Variants in SMPD2 observed in about 807,000 individuals in gnomAD.
The protein encoded by SMPD2 is sphingomyelin phosphodiesterase 2, also known as N-SMase.
Under a neutral mutation model 41.7 loss-of-function variants are expected in SMPD2, and 35 were observed. The observed-to-expected ratio is 0.84, with a 90% CI of 0.64 to 1.11. SMPD2 has a LOEUF of 1.11. SMPD2 is among the 50% of genes most tolerant of loss of function. The probability of loss-of-function intolerance (pLI) is 0.00; values close to 1 mark genes in which losing one functional copy is unlikely to be tolerated. For synonymous variants in SMPD2, 201 were observed against 208.2 expected (o/e 0.97, Z 0.30); for missense variants, 520 against 524.8 (o/e 0.99, Z 0.09).
chr6:109,443,390 C>T lies in SMPD2; in HGVS notation c.853C>T (p.Pro285Ser), dbSNP rs371622966. Reference sequence around the variant, plus strand: ...GGCTACTCTGTTTGTGAGGCACAGCCCCCCACAGCAGAACCCCAGCTCTAC... The same window carrying T: ...GGCTACTCTGTTTGTGAGGCACAGCTCCCCACAGCAGAACCCCAGCTCTAC... ...LMATLFVRHS[P>S]PQQNPSSTHG... Residue 285 changes from proline to serine, a missense_variant, in exon 9 of 10, where the codon CCC becomes TCC. Transcript: ENST00000258052. The T allele has an allele frequency of 6.2e-7, 1 of 1,614,076 alleles. No homozygotes were observed. Among genetic ancestry groups the T allele is most frequent in the Non-Finnish European group, 8.5e-7 (1 of 1,179,990 alleles).
Position 109,443,634 on chromosome 6 carries a change from G to A in SMPD2, c.1001G>A (p.Gly334Glu). 1 of 1,613,932 alleles carries A rather than the reference G, an allele frequency of 6.2e-7. No individual in the cohort carries two copies. The highest frequency in any genetic ancestry group is 8.5e-7 in the Non-Finnish European group (1 of 1,179,946). ...TTCGCTAGCTATGTGATTGGCCTGG[G>A]GCTGCTTCTCCTGGCACTGCTGTGT... is the stretch of plus-strand genomic sequence containing the variant. ...ATFASYVIGLGLLLLALLCVL... is the reference protein window; with the variant it reads ...ATFASYVIGLELLLLALLCVL... The change falls in exon 10 of 10, where the codon GGG becomes GAG. Residue 334 changes from glycine (G) to glutamate (E), a missense_variant. Gly to Glu is a moderately conservative substitution (Grantham distance 98). Transcript: ENST00000258052.
rs1774999982 is a variant in SMPD2, at chr6:109,442,899, G to A, written c.624+15G>A. The A allele has an allele frequency of 9.3e-6, 15 of 1,611,272 alleles. No individual in the cohort carries two copies. Among genetic ancestry groups the A allele is most frequent in the Non-Finnish European group, 1.3e-5 (15 of 1,177,642 alleles). On this transcript the variant is annotated intron_variant, in intron 7 of 9. Coordinates refer to ENST00000258052, the MANE Select transcript of SMPD2 (RefSeq NM_003080.3). ...GGGACTTCAAGGTGAGGACTTGCCT[G>A]TTACTTCCCCACCTATATCCCCAGC...
chr6:109,442,072 G>T lies in SMPD2; in HGVS notation c.318+5G>T. 1 of 1,609,228 alleles carries T rather than the reference G, an allele frequency of 6.2e-7. No homozygotes were observed. Among genetic ancestry groups the T allele is most frequent in the Admixed American group, 1.7e-5 (1 of 60,020 alleles). ...CTCAATGGCTACCCCTACATGGTAA[G>T]GCAGACCTTTGACCTCTTCCACCTC... On this transcript the variant is annotated splice_donor_5th_base_variant and intron_variant, in intron 4 of 9. Coordinates refer to ENST00000258052, the MANE Select transcript of SMPD2 (RefSeq NM_003080.3).
intron 1 of SMPD2, 82 bp downstream of exon 1, chr6:109,441,253 G>C: frequency 6.3e-7 from 1 of 1,594,226 alleles, no homozygotes; most frequent in Admixed American, 1.7e-5. Context: ...CCCGCCCCAC[G>C]ATCTCAGGGT....
rs1164695598 is a variant in SMPD2 at position 109,442,281 on chromosome 6, C to T, written c.390C>T (p.Leu130=). The change falls in exon 5 of 10, where the codon CTC becomes CTT. Residue 130 remains leucine (L), a synonymous_variant. Transcript: ENST00000258052. ...TGCTCCATCTAAGTGGCATGGTGCT[C>T]AACGCCTATGTGACCCATGTGAGTG... is the stretch of plus-strand genomic sequence containing the variant. ...LLVLHLSGMV[L]NAYVTHLHAE... is the part of the protein sequence containing the mutation. The T allele has an allele frequency of 6.2e-7, 1 of 1,614,088 alleles. No individual in the cohort carries two copies. The highest frequency in any genetic ancestry group is 8.5e-7 in the Non-Finnish European group (1 of 1,179,966).
chr6:109,441,530 G>T, intron 2 of SMPD2, 22 bp from the exon 3 acceptor site: 1 of 1,613,844 alleles, frequency 6.2e-7, no homozygotes, highest in Non-Finnish European at 8.5e-7. Flanking sequence ...GACCAAGCAG[G>T]CATCCTCACC....
Position 109,440,999 on chromosome 6 carries a change from C to T in SMPD2, c.-123C>T. On this transcript the variant is annotated 5_prime_UTR_variant, in exon 1 of 10. Coordinates refer to ENST00000258052, the MANE Select transcript of SMPD2 (RefSeq NM_003080.3). Reference sequence around the variant, plus strand: ...CTGAGCCACGCGGGCTTGGTGCCCACCTGTGCGCGCCGCCTGCGAAGAAGG... The same window carrying T: ...CTGAGCCACGCGGGCTTGGTGCCCATCTGTGCGCGCCGCCTGCGAAGAAGG... 1.0e-6 allele frequency: 1 copy of T among 971,942 alleles called. No homozygotes were observed. Among genetic ancestry groups the T allele is most frequent in the Non-Finnish European group, 1.6e-6 (1 of 633,288 alleles). The allele number at this position is 971,942 out of a possible 1,614,324, so 60.2% of individuals were successfully genotyped here. A position where few individuals can be genotyped will look rare whatever the true frequency, so the allele number is the denominator to read the frequency against.
rs1775036886 is a variant in SMPD2, at chr6:109,443,338, C to T, written c.801C>T (p.Thr267=). 2.5e-6 allele frequency: 4 copies of T among 1,613,594 alleles called. No homozygotes were observed. Among genetic ancestry groups the T allele is most frequent in the Non-Finnish European group, 3.4e-6 (4 of 1,179,582 alleles). The part of the protein sequence containing the change: ...TTTGFDPHRG[T]PLSDHEALMA... Reference sequence around the variant, plus strand: ...CAGGCTTTGACCCTCACAGGGGCACCCCCCTCTCTGATCATGAAGCCCTGA... The same window carrying T: ...CAGGCTTTGACCCTCACAGGGGCACTCCCCTCTCTGATCATGAAGCCCTGA... The change falls in exon 9 of 10, where the codon ACC becomes ACT. Residue 267 remains threonine (T), a synonymous_variant. Transcript: ENST00000258052.
Position 109,443,707 on chromosome 6 carries a change from G to A in SMPD2, c.1074G>A (p.Trp358Ter). The change falls in exon 10 of 10, where the codon TGG becomes TGA. Residue 358 changes from tryptophan to a stop codon, truncating the protein, a stop_gained. Coordinates refer to ENST00000258052, the MANE Select transcript of SMPD2 (RefSeq NM_003080.3). LOFTEE classifies it low-confidence loss of function (END_TRUNC). ...GGAGEAAILL[W>*]TPSVGLVLWA... The stretch of plus-strand genomic sequence containing the variant: ...CCGGGGAAGCTGCCATACTGCTCTG[G>A]ACCCCCAGTGTAGGGCTGGTGCTGT... 1.2e-6 allele frequency: 2 copies of A among 1,614,040 alleles called. No homozygotes were observed. The highest frequency in any genetic ancestry group is 1.7e-6 in the Non-Finnish European group (2 of 1,179,920).
At position 109,443,683 on chromosome 6, in the gene SMPD2, C is replaced by T. The variant is rs370358389; in HGVS notation, c.1050C>T (p.Ala350=). Residue 350 remains alanine, a synonymous_variant, in exon 10 of 10, where the codon GCC becomes GCT. Transcript: ENST00000258052. The part of the protein sequence containing the change: ...LLCVLAAGGG[A]GEAAILLWTP... ...GTGTCCTGGCGGCTGGAGGAGGGGCCGGGGAAGCTGCCATACTGCTCTGGA... is the reference window on the plus strand; with the variant it reads ...GTGTCCTGGCGGCTGGAGGAGGGGCTGGGGAAGCTGCCATACTGCTCTGGA... 8.7e-6 allele frequency: 14 copies of T among 1,613,794 alleles called. No individual in the cohort carries two copies. Among genetic ancestry groups the T allele is most frequent in the East Asian group, 6.7e-5 (3 of 44,872 alleles).
intron 8 of SMPD2, 41 bp from the exon 9 acceptor site, chr6:109,443,226 C>T (rs374164613): frequency 7.5e-7 from 1 of 1,331,006 alleles, no homozygotes; most frequent in Non-Finnish European, 1.1e-6. Context: ...TGGGAAGAGG[C>T]CCTCATATAT....
rs1351731190 is a variant in SMPD2, at chr6:109,442,809, A to T, written c.549A>T (p.Pro183=). The part of the protein sequence containing the change: ...VLLCGDLNMH[P]EDLGCCLLKE... ...TGTGTGGAGACCTCAACATGCACCCAGAAGACCTGGGCTGCTGCCTGCTGA... is the reference window on the plus strand; with the variant it reads ...TGTGTGGAGACCTCAACATGCACCCTGAAGACCTGGGCTGCTGCCTGCTGA... Residue 183 remains proline (P), a synonymous_variant, in exon 7 of 10, where the codon CCA becomes CCT. Transcript: ENST00000258052. 3 of 1,614,066 alleles carry T rather than the reference A, an allele frequency of 1.9e-6. No homozygotes were observed. The highest frequency in any genetic ancestry group is 1.3e-5 in the African/African-American group (1 of 74,924).
Position 109,443,675 on chromosome 6 carries a change from G to C in SMPD2, c.1042G>C (p.Gly348Arg). 1.2e-6 allele frequency: 2 copies of C among 1,601,848 alleles called. No individual in the cohort carries two copies. Among genetic ancestry groups the C allele is most frequent in the African/African-American group, 3.1e-5 (2 of 63,734 alleles). The change falls in exon 10 of 10, where the codon GGA becomes CGA. Residue 348 changes from glycine (G) to arginine (R), a missense_variant. Physicochemically the swap from Gly to Arg is moderately radical, Grantham distance 125 (BLOSUM62 -2). Transcript: ENST00000258052. ...ACTGCTGTGTGTCCTGGCGGCTGGA[G>C]GAGGGGCCGGGGAAGCTGCCATACT... ...LALLCVLAAG[G>R]GAGEAAILLW... is the part of the protein sequence containing the mutation.
intron 4 of SMPD2, 61 bp downstream of exon 4, chr6:109,442,128 G>A (rs1774929486): frequency 6.3e-7 from 1 of 1,579,678 alleles, no homozygotes; most frequent in Non-Finnish European, 8.7e-7. Context: ...ACAAGGTAGA[G>A]GAGGCAGCCC....
rs750382168 is a variant in SMPD2 at position 109,443,505 on chromosome 6, GCT to G, written c.884-9_884-8del. 4.8e-5 allele frequency: 78 copies of G among 1,608,354 alleles called. No homozygotes were observed. The highest frequency in any genetic ancestry group is 6.4e-5 in the Non-Finnish European group (75 of 1,176,330). On this transcript the variant is annotated splice_polypyrimidine_tract_variant and intron_variant, in intron 9 of 9. Coordinates refer to ENST00000258052, the MANE Select transcript of SMPD2 (RefSeq NM_003080.3). ...TGACTCTCTCCTGCCCCACTGCCCT[GCT>G]CTGTTGTAGGACCAGCAGAGAGGTC...
chr6:109,441,047 G>A lies in SMPD2; in HGVS notation c.-75G>A. The A allele has an allele frequency of 2.0e-6, 3 of 1,501,606 alleles. No homozygotes were observed. The highest frequency in any genetic ancestry group is 1.7e-5 in the Admixed American group (1 of 57,872). 93.0% of individuals were successfully genotyped at this position (1,501,606 alleles called of 1,614,324 possible). On this transcript the variant is annotated 5_prime_UTR_variant, in exon 1 of 10. Transcript: ENST00000258052. The stretch of plus-strand genomic sequence containing the variant: ...AGGAACGGTCTGGGGAGAAGGCGCC[G>A]CCGGCCGCCCCCGTCCCCACCGCGG...
In SMPD2 at chr6:109,443,917, T is replaced by C; in HGVS notation, c.*12T>C. ...CTAAAGAACAATAAAGCTTGGCCCT[T>C]TAGTGGCTCTGCCTTTTTCCTTGTA... On this transcript the variant is annotated 3_prime_UTR_variant, in exon 10 of 10. Coordinates refer to ENST00000258052, the MANE Select transcript of SMPD2 (RefSeq NM_003080.3). 2 of 1,589,982 alleles carry C rather than the reference T, an allele frequency of 1.3e-6. No individual in the cohort carries two copies. Among genetic ancestry groups the C allele is most frequent in the African/African-American group, 2.7e-5 (2 of 74,256 alleles).
Position 109,443,620 on chromosome 6 carries a change from T to C in SMPD2, c.987T>C (p.Tyr329=), listed in dbSNP as rs372392890. ...GCTGGTGGGCCACCTTCGCTAGCTA[T>C]GTGATTGGCCTGGGGCTGCTTCTCC... ...QARWWATFAS[Y]VIGLGLLLLA... Residue 329 remains tyrosine (Y), a synonymous_variant, in exon 10 of 10, where the codon TAT becomes TAC. Transcript: ENST00000258052. 68 of 1,613,836 alleles carry C rather than the reference T, an allele frequency of 4.2e-5. No individual in the cohort carries two copies. The highest frequency in any genetic ancestry group is 5.6e-5 in the Non-Finnish European group (66 of 1,179,972).
chr6:109,443,700 T>C lies in SMPD2; in HGVS notation c.1067T>C (p.Leu356Pro), dbSNP rs199709653. The change falls in exon 10 of 10, where the codon CTG becomes CCG. Residue 356 changes from leucine to proline, a missense_variant. Physicochemically the swap from Leu to Pro is moderately conservative, Grantham distance 98. Transcript: ENST00000258052. ...AGGGAGEAAILLWTPSVGLVL... is the reference protein window; with the variant it reads ...AGGGAGEAAIPLWTPSVGLVL... Reference sequence around the variant, plus strand: ...GGAGGGGCCGGGGAAGCTGCCATACTGCTCTGGACCCCCAGTGTAGGGCTG... The same window carrying C: ...GGAGGGGCCGGGGAAGCTGCCATACCGCTCTGGACCCCCAGTGTAGGGCTG... 6.2e-7 allele frequency: 1 copy of C among 1,614,040 alleles called. No individual in the cohort carries two copies. The highest frequency in any genetic ancestry group is 1.7e-5 in the Admixed American group (1 of 60,028).
Sources: gnomAD v4.1 joint callset for allele counts on GRCh38, gnomAD v4.1.1 for gene constraint, MANE v1.5 for transcripts, NCBI Gene and HGNC (gene_info 2026-07-23, HGNC 2026-07-21) for gene names.